SNTG1: variants seen among roughly 807,000 people sequenced by gnomAD.
The protein encoded by SNTG1 is gamma-1-syntrophin.
SNTG1 carries 39 observed loss-of-function variants against 74.7 expected under a neutral mutation model. That is an observed-to-expected ratio of 0.52 (90% CI 0.40 to 0.68). SNTG1 has a LOEUF of 0.68. Among genes scored for constraint, SNTG1 ranks in the 30% least tolerant of loss-of-function variants. The pLI is 0.00. For synonymous variants in SNTG1, 254 were observed against 217.1 expected (o/e 1.17, Z -1.49); for missense variants, 685 against 609.5 (o/e 1.12, Z -1.30).
chr8:50,748,651 C>T (rs761389169), intron 17 of SNTG1, among the ~76,000 whole-genome samples: 15 of 152,006 alleles, frequency 9.9e-5, no homozygotes, highest in Middle Eastern at 3.4e-3. Flanking sequence ...CAACAGCGTG[C>T]GCTTACTTTG....
chr8:50,191,744 C>A (rs1268688219), intron 2 of SNTG1, among the ~76,000 whole-genome samples: 1 of 152,020 alleles, frequency 6.6e-6, no homozygotes, highest in East Asian at 1.9e-4. Flanking sequence ...CACCCCACAA[C>A]AGGCCCCGGT....
intron 2 of SNTG1, among the ~76,000 whole-genome samples, chr8:50,311,828 A>G (rs1405194445): frequency 2.0e-5 from 3 of 152,190 alleles, no homozygotes; most frequent in Non-Finnish European, 4.4e-5. Flanking sequence ...CTGACCCAAG[A>G]GTAATGTGAA....
chr8:50,564,122 T>A (rs1419097107), intron 12 of SNTG1, among the ~76,000 whole-genome samples: 1 of 151,206 alleles, frequency 6.6e-6, no homozygotes, highest in Non-Finnish European at 1.5e-5. Flanking sequence ...CAGTCCGTTT[T>A]TTTTTTTTAA....
chr8:50,319,843 G>A (rs536741843), intron 2 of SNTG1, among the ~76,000 whole-genome samples: 1 of 152,264 alleles, frequency 6.6e-6, no homozygotes, highest in African/African-American at 2.4e-5. Context: ...ATTTGCATAT[G>A]TGGAACCATT....
intron 2 of SNTG1, among the ~76,000 whole-genome samples, chr8:50,272,442 C>G (rs1231622124): frequency 1.3e-5 from 2 of 152,158 alleles, no homozygotes; most frequent in African/African-American, 2.4e-5. Context: ...CAGGTGTGCA[C>G]AGAACTTTGT....
chr8:50,358,723 A>AT (rs1228607263), intron 2 of SNTG1, among the ~76,000 whole-genome samples: 2 of 152,256 alleles, frequency 1.3e-5, no homozygotes, highest in Admixed American at 6.5e-5. Flanking sequence ...TAATGCTGTA[A>AT]TTTTTTTACA....
chr8:50,763,345 G>A (rs531386714), intron 18 of SNTG1, among the ~76,000 whole-genome samples: 1 of 151,956 alleles, frequency 6.6e-6, no homozygotes, highest in East Asian at 2.0e-4. Context: ...TAGTTTCTAA[G>A]TATTTGGGGA....
At position 49,972,952 on chromosome 8, in the gene SNTG1, G is replaced by A. The variant is rs1563415444; in HGVS notation, c.-103+60721G>A. ...TAATTCAACCATTGTGGAAGTTGGTGTGGCGATTCCTCAGGGATCTAGAAC... is the reference window on the plus strand; with the variant it reads ...TAATTCAACCATTGTGGAAGTTGGTATGGCGATTCCTCAGGGATCTAGAAC... On this transcript the variant is annotated intron_variant, in intron 1 of 18. Transcript: ENST00000642720. Among the ~76,000 whole-genome samples the A allele has an allele frequency of 2.0e-5, 3 of 152,186 alleles. No homozygotes were observed. The South Asian group carries it at 6.2e-4, about 32-fold the overall frequency.
At chr8:50,039,877 C>T (rs1426181377) in intron 1 of SNTG1, among the ~76,000 whole-genome samples, 1 of 152,098 alleles carries the variant, frequency 6.6e-6, no homozygotes, top group African/African-American at 2.4e-5. Flanking sequence ...GATTGACTGC[C>T]CGGGGTGTGG....
At chr8:50,027,096 G>A (rs745519900) in intron 1 of SNTG1, among the ~76,000 whole-genome samples, 3 of 152,082 alleles carry the variant, frequency 2.0e-5, no homozygotes, top group Non-Finnish European at 4.4e-5. Flanking sequence ...TTGACCATTC[G>A]ACACATTATT....
At chr8:50,005,621 A>G (rs1815151008) in intron 1 of SNTG1, among the ~76,000 whole-genome samples, 1 of 152,172 alleles carries the variant, frequency 6.6e-6, no homozygotes, top group Non-Finnish European at 1.5e-5. Flanking sequence ...CATTTACCTT[A>G]TTGCATTATT....
intron 1 of SNTG1, among the ~76,000 whole-genome samples, chr8:50,126,833 G>C (rs1392619056): frequency 6.6e-6 from 1 of 152,102 alleles, no homozygotes; most frequent in African/African-American, 2.4e-5. Context: ...AAAGGTCCAA[G>C]TCTGTATTGA....
intron 13 of SNTG1, among the ~76,000 whole-genome samples, chr8:50,630,313 G>A (rs1000061546): frequency 6.6e-6 from 1 of 152,108 alleles, no homozygotes; most frequent in Non-Finnish European, 1.5e-5. Flanking sequence ...TTAGTTTAAG[G>A]TTTTTAAGAA....
At chr8:50,328,251 C>T (rs1206648574) in intron 2 of SNTG1, among the ~76,000 whole-genome samples, 1 of 152,134 alleles carries the variant, frequency 6.6e-6, no homozygotes, top group Non-Finnish European at 1.5e-5. Context: ...TTTTGTTAGA[C>T]TGAGAAAATT....
intron 4 of SNTG1, among the ~76,000 whole-genome samples, chr8:50,424,485 A>T (rs1471164949): frequency 6.6e-6 from 1 of 152,184 alleles, no homozygotes; most frequent in African/African-American, 2.4e-5. Flanking sequence ...ACTAGTAAAC[A>T]CACTGAAGAA....
intron 2 of SNTG1, among the ~76,000 whole-genome samples, chr8:50,249,802 G>A (rs1360327755): frequency 2.0e-5 from 3 of 151,918 alleles, no homozygotes; most frequent in South Asian, 2.1e-4. Context: ...CAACATCCTA[G>A]GATCCATTTA....
chr8:50,143,074 A>AAAAT (rs543952430), intron 1 of SNTG1, among the ~76,000 whole-genome samples: 304 of 151,968 alleles, frequency 2.0e-3, no homozygotes, highest in African/African-American at 5.6e-3. Context: ...ACTCCATCTC[A>AAAAT]AAATAAATAA....
Position 50,792,959 on chromosome 8 carries a change from AAAG to A in SNTG1, c.*134_*136del, listed in dbSNP as rs1317124520. On this transcript the variant is annotated 3_prime_UTR_variant, in exon 19 of 19. Transcript: ENST00000642720. ...GAGGCAAATCAAAATTTCGGCAGAA[AAAG>A]AAGGTCATGTGGAACCTCAAAAACA... 9.8e-6 allele frequency: 10 copies of A among 1,022,318 alleles called. No homozygotes were observed. The East Asian group carries it at 1.3e-4, about 13-fold the overall frequency. The allele number at this position is 1,022,318 out of a possible 1,614,324, so 63.3% of individuals were successfully genotyped here.
chr8:50,467,129 T>C (rs1164988683), intron 8 of SNTG1, among the ~76,000 whole-genome samples: 1 of 151,958 alleles, frequency 6.6e-6, no homozygotes, highest in Non-Finnish European at 1.5e-5. Context: ...TCTTAATTTT[T>C]TTGTAACGCT....
Sources: gnomAD v4.1 joint callset for allele counts (sites outside exome capture counted in the v4.1 genomes callset) on GRCh38, gnomAD v4.1.1 for gene constraint, MANE v1.5 for transcripts, NCBI Gene and HGNC (gene_info 2026-07-23, HGNC 2026-07-21) for gene names.